Variants in ZFYVE9 observed in about 807,000 individuals in gnomAD.
ZFYVE9 encodes zinc finger FYVE domain-containing protein 9.
Under a neutral mutation model 126.7 loss-of-function variants are expected in ZFYVE9, and 43 were observed. That is an observed-to-expected ratio of 0.34 (90% CI 0.27 to 0.44). The LOEUF (loss-of-function observed/expected upper bound fraction) is 0.44, where lower values mean the gene tolerates loss of function less well. Ranked by LOEUF, ZFYVE9 falls within the 20% of genes least tolerant of loss-of-function variation. The pLI, the probability that ZFYVE9 is intolerant of heterozygous loss-of-function variation, is 1.00. For missense variants in ZFYVE9, 1,476 were observed against 1,697.0 expected (o/e 0.87, Z 2.29); for synonymous variants, 521 against 597.4 (o/e 0.87, Z 1.87).
intron 14 of ZFYVE9, among the ~76,000 whole-genome samples, chr1:52,333,516 T>TA (rs1237986929): frequency 6.6e-6 from 1 of 152,180 alleles, no homozygotes; most frequent in Non-Finnish European, 1.5e-5. Context: ...ATTTGCATTT[T>TA]AACGAGATCT....
intron 7 of ZFYVE9, among the ~76,000 whole-genome samples, chr1:52,272,941 C>A (rs191866505): frequency 2.0e-5 from 3 of 152,032 alleles, no homozygotes; most frequent in African/African-American, 7.3e-5. Context: ...GGATTACGGG[C>A]GTGAGCCACT....
intron 2 of ZFYVE9, among the ~76,000 whole-genome samples, chr1:52,232,477 C>T (rs779695317): frequency 2.6e-5 from 4 of 152,014 alleles, no homozygotes; most frequent in Non-Finnish European, 5.9e-5. Context: ...GCCTGTAATC[C>T]CAGCACTTTG....
At chr1:52,230,522 C>G (rs1251102265) in intron 2 of ZFYVE9, among the ~76,000 whole-genome samples, 1 of 142,098 alleles carries the variant, frequency 7.0e-6, no homozygotes, top group Non-Finnish European at 1.5e-5. Flanking sequence ...TATCCTGGAA[C>G]TTAAAAAAAA....
At chr1:52,224,498 A>G (rs1335340965) in intron 2 of ZFYVE9, among the ~76,000 whole-genome samples, 3 of 152,148 alleles carry the variant, frequency 2.0e-5, no homozygotes, top group African/African-American at 4.8e-5. Flanking sequence ...CTTTTTCTCC[A>G]ACATAGAGCA....
chr1:52,295,321 G>A (rs183329158), intron 11 of ZFYVE9, among the ~76,000 whole-genome samples: 127 of 150,030 alleles, frequency 8.5e-4, no homozygotes, highest in African/African-American at 2.8e-3. Context: ...GAAGAAGATT[G>A]CTCCCTAAGA....
intron 2 of ZFYVE9, among the ~76,000 whole-genome samples, chr1:52,227,911 T>C (rs1645184528): frequency 6.6e-6 from 1 of 152,188 alleles, no homozygotes; most frequent in Non-Finnish European, 1.5e-5. Flanking sequence ...TTCTTCCTGC[T>C]ACCTTTCAAA....
At chr1:52,336,373 T>G (rs1287573760) in intron 15 of ZFYVE9, among the ~76,000 whole-genome samples, 2 of 138,506 alleles carry the variant, frequency 1.4e-5, no homozygotes, top group Non-Finnish European at 3.1e-5. Context: ...TTTTTGTTTT[T>G]TTTTTTTTTT....
chr1:52,295,763 T>A (rs1645967702), intron 11 of ZFYVE9, 132 bp from the exon 12 acceptor site: 2 of 692,486 alleles, frequency 2.9e-6, no homozygotes, highest in African/African-American at 3.6e-5. Flanking sequence ...CCAAATACTT[T>A]TTGAGCCCAA....
intron 14 of ZFYVE9, among the ~76,000 whole-genome samples, chr1:52,333,812 A>C (rs1050095035): frequency 7.3e-6 from 1 of 137,222 alleles, no homozygotes; most frequent in Non-Finnish European, 1.5e-5. Context: ...AAAAAAAAGC[A>C]GGGCATGGTG....
chr1:52,234,393 A>G (rs1330591063), intron 3 of ZFYVE9, among the ~76,000 whole-genome samples: 1 of 152,178 alleles, frequency 6.6e-6, no homozygotes, highest in African/African-American at 2.4e-5. Flanking sequence ...CCCTAGAGAT[A>G]GAGGCTGCAG....
intron 10 of ZFYVE9, among the ~76,000 whole-genome samples, chr1:52,284,823 C>T (rs1645842432): frequency 6.6e-6 from 1 of 152,062 alleles, no homozygotes; most frequent in Non-Finnish European, 1.5e-5. Context: ...TTACAAGATA[C>T]TAATGATAGT....
At chr1:52,310,895 G>A (rs113114182) in intron 13 of ZFYVE9, among the ~76,000 whole-genome samples, 2,971 of 152,274 alleles carry the variant, frequency 0.02, 96 homozygotes, top group African/African-American at 0.069. Context: ...TTTTGAGACA[G>A]GGTCTTGCTG....
At chr1:52,146,130 C>T (rs1278953108) in intron 1 of ZFYVE9, among the ~76,000 whole-genome samples, 3 of 151,884 alleles carry the variant, frequency 2.0e-5, no homozygotes, top group Non-Finnish European at 4.4e-5. Context: ...TTGCATAGCA[C>T]TTACAATTGT....
intron 13 of ZFYVE9, among the ~76,000 whole-genome samples, chr1:52,323,881 G>A (rs190621053): frequency 5.4e-5 from 7 of 130,000 alleles, no homozygotes; most frequent in East Asian, 4.6e-4. Flanking sequence ...GTGAAACCCC[G>A]TCTCTACTAA....
chr1:52,323,014 C>T (rs1392560679), intron 13 of ZFYVE9, among the ~76,000 whole-genome samples: 1 of 152,124 alleles, frequency 6.6e-6, no homozygotes, highest in South Asian at 2.1e-4. Context: ...CCGTGTTAGC[C>T]AGGATGGTCT....
chr1:52,195,174 C>G (rs1029112341), intron 1 of ZFYVE9, among the ~76,000 whole-genome samples: 1 of 152,012 alleles, frequency 6.6e-6, no homozygotes, highest in East Asian at 1.9e-4. Context: ...TCCTTTTTCT[C>G]TTTCTCTTTT....
At chr1:52,219,480 G>A (rs913239510) in intron 2 of ZFYVE9, among the ~76,000 whole-genome samples, 3 of 151,932 alleles carry the variant, frequency 2.0e-5, no homozygotes, top group East Asian at 1.9e-4. Context: ...TATTAGATAA[G>A]GAGTATTAGA....
At chr1:52,262,239 T>A (rs1212943745) in intron 4 of ZFYVE9, among the ~76,000 whole-genome samples, 4 of 152,220 alleles carry the variant, frequency 2.6e-5, no homozygotes, top group African/African-American at 9.6e-5. Context: ...AGGGCACTAA[T>A]CCCATATGCC....
chr1:52,314,068 A>G lies in ZFYVE9; in HGVS notation c.3438+10143A>G, dbSNP rs558856207. Among the ~76,000 whole-genome samples the G allele has an allele frequency of 4.6e-5, 7 of 152,352 alleles. No homozygotes were observed. The South Asian group carries it at 1.4e-3, about 32-fold the overall frequency. ...ATATTTGAAGAAACAATGGTTAAAA[A>G]ATTTCCAAATTTAATGAAAATTATA... On this transcript the variant is annotated intron_variant, in intron 13 of 18. Coordinates refer to ENST00000287727, the MANE Select transcript of ZFYVE9 (RefSeq NM_004799.4).
Sources: gnomAD v4.1 joint callset for allele counts (sites outside exome capture counted in the v4.1 genomes callset) on GRCh38, gnomAD v4.1.1 for gene constraint, MANE v1.5 for transcripts, NCBI Gene and HGNC (gene_info 2026-07-23, HGNC 2026-07-21) for gene names.